Variants in KCNH3 observed in about 807,000 individuals in gnomAD.
KCNH3 encodes the protein potassium voltage-gated channel subfamily H member 3.
Under a neutral mutation model 95.6 loss-of-function variants are expected in KCNH3, and 36 were observed. That is an observed-to-expected ratio of 0.38 (90% CI 0.29 to 0.50). The LOEUF is 0.50. Among genes scored for constraint, KCNH3 ranks in the 20% least tolerant of loss-of-function variants. The pLI is 0.95. For missense variants in KCNH3, 1,030 were observed against 1,484.1 expected (o/e 0.69, Z 5.03); for synonymous variants, 620 against 646.3 (o/e 0.96, Z 0.62).
At position 49,543,291 on chromosome 12, in the gene KCNH3, A is replaced by G; in HGVS notation, c.596A>G (p.Lys199Arg). 6.2e-7 allele frequency: 1 copy of G among 1,613,608 alleles called. No individual in the cohort carries two copies. Among genetic ancestry groups the G allele is most frequent in the Non-Finnish European group, 8.5e-7 (1 of 1,180,022 alleles). The change falls in exon 5 of 15, where the codon AAA becomes AGA. Residue 199 changes from lysine to arginine, a missense_variant. By Grantham distance (26) the Lys-to-Arg change is conservative (BLOSUM62 2). Coordinates refer to ENST00000257981, the MANE Select transcript of KCNH3 (RefSeq NM_012284.3). Reference sequence around the variant, plus strand: ...CTCACTCAGGGGGTGTTTGGGGAGAAACCAAACTTGCCTGAGTACAAAGTA... The same window carrying G: ...CTCACTCAGGGGGTGTTTGGGGAGAGACCAAACTTGCCTGAGTACAAAGTA... ...HKLNKGVFGE[K>R]PNLPEYKVAA...
chr12:49,541,048 A>G lies in KCNH3; in HGVS notation c.226A>G (p.Ser76Gly). The change falls in exon 2 of 15, where the codon AGT becomes GGT. Residue 76 changes from serine (S) to glycine (G), a missense_variant. Physicochemically the swap from Ser to Gly is moderately conservative, Grantham distance 56 (BLOSUM62 0). This residue lies in a region of KCNH3 where 63 missense variants were observed against 107.7 expected (regional missense o/e 0.59). Coordinates refer to ENST00000257981, the MANE Select transcript of KCNH3 (RefSeq NM_012284.3). The part of the protein sequence containing the change: ...ACSFLYGPDT[S>G]ELVRQQIRKA... ...CTCCTTCCTTTATGGGCCAGACACC[A>G]GTGAGCTCGTCCGCCAACAGATCCG... 2 of 1,613,604 alleles carry G rather than the reference A, an allele frequency of 1.2e-6. No homozygotes were observed. Among genetic ancestry groups the G allele is most frequent in the Non-Finnish European group, 1.7e-6 (2 of 1,180,032 alleles).
intron 3 of KCNH3, 79 bp from the exon 4 acceptor site, chr12:49,542,627 A>G: frequency 6.8e-7 from 1 of 1,460,394 alleles, no homozygotes; most frequent in Non-Finnish European, 9.1e-7. Flanking sequence ...TGGGCCAGCA[A>G]CTGTGTCCTA....
rs771575142 is a variant in KCNH3 at position 49,544,234 on chromosome 12, G to A, written c.1041G>A (p.Pro347=). Residue 347 remains proline, a synonymous_variant, in exon 7 of 15, where the codon CCG becomes CCA. Coordinates refer to ENST00000257981, the MANE Select transcript of KCNH3 (RefSeq NM_012284.3). ...VRLLRLLRLL[P]RLDRYSQYSA... is the part of the protein sequence containing the mutation. ...TGCTGCGCCTGCTGCGCCTGCTTCC[G>A]CGGCTGGACCGGTACTCGCAGTACA... 6.0e-5 allele frequency: 95 copies of A among 1,591,996 alleles called. No homozygotes were observed. The highest frequency in any genetic ancestry group is 5.0e-4 in the South Asian group (45 of 89,400).
In KCNH3 at chr12:49,557,760, CTTCT is replaced by C. The variant is rs1355305637; in HGVS notation, c.3060_3063del (p.Ser1021ArgfsTer12). The C allele has an allele frequency of 3.3e-5, 53 of 1,612,728 alleles. No homozygotes were observed. Among genetic ancestry groups the C allele is most frequent in the Non-Finnish European group, 4.5e-5 (53 of 1,179,560 alleles). Reference sequence around the variant, plus strand: ...CCCAGCACCCCTGCCTCCCCTCCTCCTTCTGAGGAAGGGGCTAGGACTGGGCCCG... The same window carrying C: ...CCCAGCACCCCTGCCTCCCCTCCTCCGAGGAAGGGGCTAGGACTGGGCCCG... On this transcript the variant is annotated frameshift_variant, in exon 15 of 15. Transcript: ENST00000257981. LOFTEE classifies it high-confidence loss of function.
At position 49,549,176 on chromosome 12, in the gene KCNH3, G is replaced by A. The variant is rs781105960; in HGVS notation, c.1468+3G>A. On this transcript the variant is annotated splice_donor_region_variant and intron_variant, in intron 8 of 14. Transcript: ENST00000257981. The stretch of plus-strand genomic sequence containing the variant: ...CATCTGCACCATGCTCATCGGCGGT[G>A]AGCCCGGCCGCGCGCGTCTTCCCGG... The A allele has an allele frequency of 4.6e-5, 72 of 1,574,560 alleles. No homozygotes were observed. The highest frequency in any genetic ancestry group is 5.7e-5 in the Non-Finnish European group (66 of 1,158,340).
chr12:49,544,142 C>CCCAAA, intron 6 of KCNH3, 33 bp from the exon 7 acceptor site: 1 of 1,014,514 alleles, frequency 9.9e-7, no homozygotes, highest in Non-Finnish European at 1.5e-6. Context: ...CCGCTGACCT[C>CCCAAA]CCTCCCTCCC....
At chr12:49,540,158 G>T (rs1040160151) in intron 1 of KCNH3, among the ~76,000 whole-genome samples, 1 of 152,146 alleles carries the variant, frequency 6.6e-6, no homozygotes, top group South Asian at 2.1e-4. Flanking sequence ...CACATCCCCC[G>T]TGGGGCTTCC....
intron 12 of KCNH3, 180 bp from the exon 13 acceptor site, chr12:49,556,190 G>GC (rs980092028): frequency 3.1e-5 from 19 of 612,972 alleles, no homozygotes; most frequent in African/African-American, 2.6e-4. Flanking sequence ...CTCAAGCTTG[G>GC]CCCCCCAGCT....
At chr12:49,542,905 C>G in intron 4 of KCNH3, 66 bp downstream of exon 4, 1 of 1,563,264 alleles carries the variant, frequency 6.4e-7, no homozygotes, top group Non-Finnish European at 8.7e-7. Context: ...GAAGGGGAAC[C>G]TGATCTACCA....
At chr12:49,544,521 G>T in intron 7 of KCNH3, 139 bp downstream of exon 7, 2 of 841,652 alleles carry the variant, frequency 2.4e-6, no homozygotes, top group Non-Finnish European at 3.8e-6. Flanking sequence ...GTGTGCAGGT[G>T]TGAGTGTGAC....
Position 49,557,562 on chromosome 12 carries a change from G to A in KCNH3, c.2861G>A (p.Gly954Asp). 2 of 1,612,232 alleles carry A rather than the reference G, an allele frequency of 1.2e-6. No homozygotes were observed. The highest frequency in any genetic ancestry group is 1.7e-6 in the Non-Finnish European group (2 of 1,179,960). The change falls in exon 15 of 15, where the codon GGC (glycine) becomes GAC (aspartate). Residue 954 changes from glycine to aspartate, a missense_variant. This residue lies in a region of KCNH3 where 464 missense variants were observed against 493.2 expected (regional missense o/e 0.94). Transcript: ENST00000257981. The stretch of plus-strand genomic sequence containing the variant: ...TCCTACTGCCTGCAGCCCCCAGCTG[G>A]CTCTGTCTTGAGTGGGACTTGGCCC... ...ASSYCLQPPA[G>D]SVLSGTWPHP...
Position 49,539,532 on chromosome 12 carries a change from A to ACCCTCG in KCNH3, c.76+43_76+48dup, listed in dbSNP as rs568746633. 7.8e-5 allele frequency: 121 copies of ACCCTCG among 1,552,996 alleles called. No individual in the cohort carries two copies. In the African/African-American group the frequency reaches 1.5e-3, roughly 20 times the overall value. The stretch of plus-strand genomic sequence containing the variant: ...CGCCCACTTGCACCCGGGCCGCCGG[A>ACCCTCG]CCCTCGCCAGGGCTCCCGCCTTCCC... On this transcript the variant is annotated intron_variant, in intron 1 of 14. Coordinates refer to ENST00000257981, the MANE Select transcript of KCNH3 (RefSeq NM_012284.3). This position sits in a 1 kb window ranked among gnomAD's most constrained non-coding sequence, Gnocchi z 6.7.
chr12:49,551,202 G>C (rs1938245262), intron 10 of KCNH3, among the ~76,000 whole-genome samples: 1 of 151,972 alleles, frequency 6.6e-6, no homozygotes. Flanking sequence ...ATCGTTAGGA[G>C]GGTTGGACCT....
intron 3 of KCNH3, among the ~76,000 whole-genome samples, 162 bp downstream of exon 3, chr12:49,541,926 C>T (rs1244358668): frequency 6.6e-6 from 1 of 152,182 alleles, no homozygotes; most frequent in Non-Finnish European, 1.5e-5. Flanking sequence ...CCACATTCCT[C>T]GGTATGGGAA....
Position 49,543,277 on chromosome 12 carries a change from G to A in KCNH3, c.582G>A (p.Gly194=). 6.2e-7 allele frequency: 1 copy of A among 1,613,364 alleles called. No homozygotes were observed. Among genetic ancestry groups the A allele is most frequent in the South Asian group, 1.1e-5 (1 of 91,062 alleles). Residue 194 remains glycine (G), a splice_region_variant and synonymous_variant, in exon 5 of 15, where the codon GGG becomes GGA. Coordinates refer to ENST00000257981, the MANE Select transcript of KCNH3 (RefSeq NM_012284.3). ...TGGACCTGCCCTGCCTCACTCAGGG[G>A]GTGTTTGGGGAGAAACCAAACTTGC... ...QPKGKHKLNK[G]VFGEKPNLPE... is the part of the protein sequence containing the mutation.
At position 49,544,003 on chromosome 12, in the gene KCNH3, C is replaced by T; in HGVS notation, c.912C>T (p.Thr304=). ...AGTCCATTTGCCTCCACTACGTCAC[C>T]ACCTGGTTCCTGCTGGATGTCATCG... is the stretch of plus-strand genomic sequence containing the variant. The part of the protein sequence containing the change: ...APKSICLHYV[T]TWFLLDVIAA... Residue 304 remains threonine (T), a synonymous_variant, in exon 6 of 15, where the codon ACC becomes ACT. Coordinates refer to ENST00000257981, the MANE Select transcript of KCNH3 (RefSeq NM_012284.3). The T allele has an allele frequency of 6.2e-7, 1 of 1,614,026 alleles. No individual in the cohort carries two copies. Among genetic ancestry groups the T allele is most frequent in the Non-Finnish European group, 8.5e-7 (1 of 1,179,838 alleles).
chr12:49,549,970 C>A, intron 9 of KCNH3, 110 bp from the exon 10 acceptor site: 3 of 1,203,714 alleles, frequency 2.5e-6, no homozygotes, highest in Non-Finnish European at 3.4e-6. Context: ...CAGGTCCCTC[C>A]CATGCCTCCC....
chr12:49,539,123 C>G lies in KCNH3; in HGVS notation c.-294C>G, dbSNP rs1402479426. The stretch of plus-strand genomic sequence containing the variant: ...AGCCCACCCGCAGCCGACACGCGAG[C>G]CGCTGCCGCGGCGGGAGGTGCTGAG... On this transcript the variant is annotated 5_prime_UTR_variant, in exon 1 of 15. Transcript: ENST00000257981. The surrounding 1 kb of genome is among the most constrained non-coding windows in gnomAD (Gnocchi z 6.7). The G allele has an allele frequency of 6.5e-6, 1 of 153,086 alleles. No homozygotes were observed. The highest frequency in any genetic ancestry group is 1.5e-5 in the Non-Finnish European group (1 of 68,780). The allele number at this position is 153,086 out of a possible 1,614,324, so 9.5% of individuals were successfully genotyped here. A position where few individuals can be genotyped will look rare whatever the true frequency, so the allele number is the denominator to read the frequency against.
Position 49,550,186 on chromosome 12 carries a change from G to A in KCNH3, c.1775G>A (p.Arg592Gln), listed in dbSNP as rs1832740912. The A allele has an allele frequency of 6.2e-7, 1 of 1,609,646 alleles. No individual in the cohort carries two copies. The highest frequency in any genetic ancestry group is 8.5e-7 in the Non-Finnish European group (1 of 1,179,792). Reference protein sequence around the residue: ...LFEAASRGCLRALSLALRPAF... With the variant: ...LFEAASRGCLQALSLALRPAF... ...GAGGCGGCCAGCCGCGGCTGCCTGCGGGCACTGTCTCTGGCCCTGCGGCCC... is the reference window on the plus strand; with the variant it reads ...GAGGCGGCCAGCCGCGGCTGCCTGCAGGCACTGTCTCTGGCCCTGCGGCCC... The change falls in exon 10 of 15, where the codon CGG (arginine) becomes CAG (glutamine). Residue 592 changes from arginine (R) to glutamine (Q), a missense_variant. Arg to Gln is a conservative substitution (Grantham distance 43). Around this residue, in one of 9 missense-constraint regions of KCNH3, gnomAD observed 160 missense variants for 316.2 expected, o/e 0.51. Coordinates refer to ENST00000257981, the MANE Select transcript of KCNH3 (RefSeq NM_012284.3).
Sources: gnomAD v4.1 joint callset for allele counts (sites outside exome capture counted in the v4.1 genomes callset) on GRCh38, gnomAD v4.1.1 for gene constraint, gnomAD v4.1.1 regional missense constraint, Gnocchi (gnomAD v3.1) non-coding constraint, MANE v1.5 for transcripts, NCBI Gene and HGNC (gene_info 2026-07-23, HGNC 2026-07-21) for gene names.